The following KCTD20 variants were observed in gnomAD, a reference collection of about 807,000 sequenced individuals.
KCTD20 encodes potassium channel tetramerization domain containing 20.
Under a neutral mutation model 39.6 loss-of-function variants are expected in KCTD20, and 30 were observed. That is an observed-to-expected ratio of 0.76 (90% CI 0.57 to 1.03). The LOEUF (loss-of-function observed/expected upper bound fraction) is 1.03. Ranked by LOEUF, KCTD20 falls within the 50% of genes least tolerant of loss-of-function variation. KCTD20 has a pLI of 0.00. For missense variants in KCTD20, 422 were observed against 522.0 expected, an observed-to-expected ratio of 0.81 and a Z score of 1.87; for synonymous variants, 162 against 180.6, an observed-to-expected ratio of 0.90 and a Z score of 0.83.
chr6:36,455,841 CAGATTATCT>C (rs1775418250), intron 1 of KCTD20, among the ~76,000 whole-genome samples: 1 of 152,166 alleles, frequency 6.6e-6, no homozygotes, highest in Non-Finnish European at 1.5e-5. Context: ...CAGGCCCACC[CAGATTATCT>C]AGGATAATCT....
At position 36,487,269 on chromosome 6, in the gene KCTD20, G is replaced by T; in HGVS notation, c.*94G>T. 8.0e-7 allele frequency: 1 copy of T among 1,254,602 alleles called. No individual in the cohort carries two copies. Among genetic ancestry groups the T allele is most frequent in the Non-Finnish European group, 1.1e-6 (1 of 891,260 alleles). The allele number at this position is 1,254,602 out of a possible 1,614,324, so 77.7% of individuals were successfully genotyped here. A position where few individuals can be genotyped will look rare whatever the true frequency, so the allele number is the denominator to read the frequency against. On this transcript the variant is annotated 3_prime_UTR_variant, in exon 8 of 8. Coordinates refer to ENST00000373731, the MANE Select transcript of KCTD20 (RefSeq NM_173562.5). Reference sequence around the variant, plus strand: ...GTGATTTGTCTCACCTTGAGTAGGAGACATGCTTCTCCCCTAACCTTTTCC... The same window carrying T: ...GTGATTTGTCTCACCTTGAGTAGGATACATGCTTCTCCCCTAACCTTTTCC...
intron 1 of KCTD20, among the ~76,000 whole-genome samples, chr6:36,456,994 G>C (rs2127434311): frequency 6.6e-6 from 1 of 152,274 alleles, no homozygotes; most frequent in Middle Eastern, 3.4e-3. Flanking sequence ...GTGGAGACGG[G>C]GTTTTGCCAT....
In KCTD20 at chr6:36,483,965, G is replaced by A. The variant is rs554833536; in HGVS notation, c.857-749G>A. ...TTTTTTTTTTTTTTTTTGAGATGGT[G>A]TCTCCCTTCTCTTGGCCAGGCTGGA... On this transcript the variant is annotated intron_variant, in intron 6 of 7. Coordinates refer to ENST00000373731, the MANE Select transcript of KCTD20 (RefSeq NM_173562.5). Among the ~76,000 whole-genome samples, 7 of 134,142 alleles carry A rather than the reference G, an allele frequency of 5.2e-5. No individual in the cohort carries two copies. The East Asian group carries it at 1.6e-3, about 30-fold the overall frequency. The allele number at this position is 134,142 out of a possible 152,430, so 88.0% of individuals were successfully genotyped here.
At position 36,489,011 on chromosome 6, in the gene KCTD20, A is replaced by G. The variant is rs1008487011; in HGVS notation, c.*1836A>G. The G allele has an allele frequency of 6.6e-6, 1 of 152,626 alleles. No individual in the cohort carries two copies. The highest frequency in any genetic ancestry group is 1.5e-5 in the Non-Finnish European group (1 of 68,032). 9.5% of individuals were successfully genotyped at this position (152,626 alleles called of 1,614,324 possible). On this transcript the variant is annotated 3_prime_UTR_variant, in exon 8 of 8. Transcript: ENST00000373731. Reference sequence around the variant, plus strand: ...AAGGTAATTTTATTTCTGTGAAACTAATTGGCTCATATTTGAGGTTAGGTG... The same window carrying G: ...AAGGTAATTTTATTTCTGTGAAACTGATTGGCTCATATTTGAGGTTAGGTG...
intron 5 of KCTD20, among the ~76,000 whole-genome samples, chr6:36,481,256 T>C (rs1283420692): frequency 3.9e-5 from 6 of 151,946 alleles, no homozygotes; most frequent in Admixed American, 3.9e-4. Flanking sequence ...CTACAAAGAA[T>C]CATCCCCAAA....
chr6:36,468,224 G>A (rs1347202843), intron 1 of KCTD20, among the ~76,000 whole-genome samples: 1 of 152,178 alleles, frequency 6.6e-6, no homozygotes, highest in East Asian at 1.9e-4. Context: ...TAAACTCCAA[G>A]TACATCCATT....
intron 6 of KCTD20, among the ~76,000 whole-genome samples, chr6:36,483,118 CAA>C (rs767686820): frequency 0.27 from 29,117 of 107,924 alleles, 3,291 homozygotes; most frequent in East Asian, 0.43. Flanking sequence ...GACTCCGTTT[CAA>C]AAAAAAAAAA....
At chr6:36,460,674 G>A (rs1775576332) in intron 1 of KCTD20, among the ~76,000 whole-genome samples, 1 of 152,110 alleles carries the variant, frequency 6.6e-6, no homozygotes, top group Non-Finnish European at 1.5e-5. Context: ...TGATTTAGAG[G>A]CTCTGTTGTA....
intron 1 of KCTD20, among the ~76,000 whole-genome samples, chr6:36,458,771 G>C (rs1320929407): frequency 6.6e-6 from 1 of 151,490 alleles, no homozygotes; most frequent in Non-Finnish European, 1.5e-5. Context: ...CGGAAGGATG[G>C]CTTGATCCCA....
intron 6 of KCTD20, among the ~76,000 whole-genome samples, chr6:36,483,436 TTCC>T (rs1278254090): frequency 6.6e-6 from 1 of 151,936 alleles, no homozygotes; most frequent in Non-Finnish European, 1.5e-5. Context: ...TGGTCTCAAA[TTCC>T]TGACCTCAAA....
In KCTD20 at chr6:36,486,970, A is replaced by G; in HGVS notation, c.1055A>G (p.Gln352Arg). The change falls in exon 8 of 8, where the codon CAG (glutamine) becomes CGG (arginine). Residue 352 changes from glutamine (Q) to arginine (R), a missense_variant. By Grantham distance (43) the Gln-to-Arg change is conservative. Coordinates refer to ENST00000373731, the MANE Select transcript of KCTD20 (RefSeq NM_173562.5). ...AATTATGTACAACGCCCCTTCATCC[A>G]GATGTCATGGGAAAAGGAAGAAGGG... ...IYNYVQRPFIQMSWEKEEGKS... is the reference protein window; with the variant it reads ...IYNYVQRPFIRMSWEKEEGKS... 6.2e-7 allele frequency: 1 copy of G among 1,614,104 alleles called. No individual in the cohort carries two copies. The highest frequency in any genetic ancestry group is 8.5e-7 in the Non-Finnish European group (1 of 1,179,948).
intron 1 of KCTD20, among the ~76,000 whole-genome samples, chr6:36,446,598 G>A (rs1775054783): frequency 6.6e-6 from 1 of 152,106 alleles, no homozygotes; most frequent in African/African-American, 2.4e-5. Flanking sequence ...ACCATCCTGG[G>A]CAACACAGGG....
intron 3 of KCTD20, among the ~76,000 whole-genome samples, chr6:36,475,749 TA>T (rs75494594): frequency 1.7e-4 from 23 of 135,264 alleles, no homozygotes; most frequent in South Asian, 1.1e-3. Flanking sequence ...GCTCCCTTTT[TA>T]AAAAAAAAAA....
At chr6:36,486,726 C>T (rs1776433268) in intron 7 of KCTD20, among the ~76,000 whole-genome samples, 157 bp from the exon 8 acceptor site, 1 of 152,166 alleles carries the variant, frequency 6.6e-6, no homozygotes, top group Non-Finnish European at 1.5e-5. Flanking sequence ...ATGTAGGTGA[C>T]TGGGGCTGGG....
chr6:36,465,308 A>G (rs947893610), intron 1 of KCTD20, among the ~76,000 whole-genome samples: 2 of 151,678 alleles, frequency 1.3e-5, no homozygotes, highest in Non-Finnish European at 2.9e-5. Flanking sequence ...AAAAAAAAAA[A>G]AAAAACAGTA....
rs1019939196 is a variant in KCTD20 at position 36,469,335 on chromosome 6, T to C, written c.-46-717T>C. On this transcript the variant is annotated intron_variant, in intron 1 of 7. Coordinates refer to ENST00000373731, the MANE Select transcript of KCTD20 (RefSeq NM_173562.5). The surrounding 1 kb of genome is among the most constrained non-coding windows in gnomAD (Gnocchi z 4.6). ...AAAGTTATGAGGCCCCCTGTGTGGC[T>C]GCTGTGGCATCTCCATCCTGCCTCA... is the stretch of plus-strand genomic sequence containing the variant. 6.6e-6 allele frequency among the ~76,000 whole-genome samples: 1 copy of C among 152,188 alleles called. No homozygotes were observed. The highest frequency in any genetic ancestry group is 1.5e-5 in the Non-Finnish European group (1 of 68,026).
chr6:36,476,444 T>G (rs1325948164), intron 3 of KCTD20, among the ~76,000 whole-genome samples: 2 of 151,668 alleles, frequency 1.3e-5, no homozygotes, highest in Non-Finnish European at 2.9e-5. Flanking sequence ...TTTTTTTTTT[T>G]TTTAAGACAG....
At chr6:36,467,823 C>G (rs1775806991) in intron 1 of KCTD20, among the ~76,000 whole-genome samples, 1 of 151,978 alleles carries the variant, frequency 6.6e-6, no homozygotes. Context: ...TTATACAGCC[C>G]TTAAAAATGA....
Position 36,468,753 on chromosome 6 carries a change from A to G in KCTD20, c.-46-1299A>G, listed in dbSNP as rs541792067. Among the ~76,000 whole-genome samples, 5 of 152,334 alleles carry G rather than the reference A, an allele frequency of 3.3e-5. No homozygotes were observed. In the East Asian group the frequency reaches 9.6e-4, roughly 29 times the overall value. ...GTGAAAAAAGCTGTAGTCACATTGAAGGTTTTCTATCAATACATTCACTTT... is the reference window on the plus strand; with the variant it reads ...GTGAAAAAAGCTGTAGTCACATTGAGGGTTTTCTATCAATACATTCACTTT... On this transcript the variant is annotated intron_variant, in intron 1 of 7. Transcript: ENST00000373731.
Sources: allele counts gnomAD v4.1 joint callset (sites outside exome capture counted in the v4.1 genomes callset), GRCh38; gene constraint gnomAD v4.1.1; non-coding constraint Gnocchi (gnomAD v3.1); transcripts MANE v1.5; gene names NCBI Gene and HGNC (gene_info 2026-07-23, HGNC 2026-07-21).